The following NEK11 variants were observed in gnomAD, a reference collection of about 807,000 sequenced individuals.
NEK11 encodes serine/threonine-protein kinase Nek11.
In NEK11, 72 loss-of-function variants were observed where a neutral mutation model predicts 80.7. The ratio of observed to expected loss-of-function variants is 0.89; its 90% CI spans 0.74 to 1.08. The LOEUF (loss-of-function observed/expected upper bound fraction) is 1.08, where lower values mean the gene tolerates loss of function less well. Ranked by LOEUF, NEK11 falls within the 50% of genes least tolerant of loss-of-function variation. The pLI, the probability that NEK11 is intolerant of heterozygous loss-of-function variation, is 0.00. For missense variants in NEK11, 764 were observed against 763.6 expected, an observed-to-expected ratio of 1.00 and a Z score of -0.01; for synonymous variants, 251 against 260.7, an observed-to-expected ratio of 0.96 and a Z score of 0.36.
intron 17 of NEK11, among the ~76,000 whole-genome samples, chr3:131,304,069 G>T (rs2096695140): frequency 6.6e-6 from 1 of 151,958 alleles, no homozygotes; most frequent in Non-Finnish European, 1.5e-5. Context: ...CATAGATTTG[G>T]TCTCTTTACA....
At chr3:131,282,144 A>G (rs2096405090) in intron 17 of NEK11, among the ~76,000 whole-genome samples, 1 of 152,116 alleles carries the variant, frequency 6.6e-6, no homozygotes, top group Non-Finnish European at 1.5e-5. Flanking sequence ...TTTTGTTTAA[A>G]TTATCTTAAT....
At chr3:131,156,136 A>G (rs991928096) in intron 10 of NEK11, among the ~76,000 whole-genome samples, 5 of 152,162 alleles carry the variant, frequency 3.3e-5, no homozygotes, top group African/African-American at 1.2e-4. Context: ...TCTAGAATCC[A>G]GTTGTTTGGA....
At chr3:131,259,793 C>A (rs1344048172) in intron 16 of NEK11, among the ~76,000 whole-genome samples, 1 of 152,162 alleles carries the variant, frequency 6.6e-6, no homozygotes, top group East Asian at 1.9e-4. Flanking sequence ...TGAAGAATTT[C>A]CTGAAGGGGC....
chr3:131,153,891 G>A (rs2090160029), intron 9 of NEK11, among the ~76,000 whole-genome samples: 1 of 152,152 alleles, frequency 6.6e-6, no homozygotes, highest in Admixed American at 6.5e-5. Flanking sequence ...AAAAATAAGG[G>A]AGAAAGGAAG....
At chr3:131,216,645 A>T (rs1055920469) in intron 14 of NEK11, among the ~76,000 whole-genome samples, 8 of 151,590 alleles carry the variant, frequency 5.3e-5, no homozygotes, top group African/African-American at 1.9e-4. Flanking sequence ...GTAAGACATG[A>T]TGCCAATGGA....
chr3:131,158,062 A>C (rs1016652515), intron 10 of NEK11, among the ~76,000 whole-genome samples: 8 of 152,098 alleles, frequency 5.3e-5, no homozygotes, highest in Admixed American at 2.0e-4. Flanking sequence ...CTCTGCAGGC[A>C]GTCTTACCCA....
intron 12 of NEK11, among the ~76,000 whole-genome samples, chr3:131,166,593 C>T (rs151154295): frequency 6.6e-6 from 1 of 152,324 alleles, no homozygotes; most frequent in East Asian, 1.9e-4. Flanking sequence ...AGTTAGCAGA[C>T]AATGTGGGGA....
At chr3:131,075,162 A>G (rs2074132573) in intron 3 of NEK11, among the ~76,000 whole-genome samples, 1 of 152,182 alleles carries the variant, frequency 6.6e-6, no homozygotes, top group Admixed American at 6.6e-5. Context: ...CGGGGTACGT[A>G]GAATGGACAA....
intron 15 of NEK11, among the ~76,000 whole-genome samples, chr3:131,230,031 C>T (rs935111021): frequency 7.2e-5 from 11 of 152,082 alleles, no homozygotes; most frequent in African/African-American, 2.4e-4. Context: ...ACAACTGTAA[C>T]GGATATTATT....
chr3:131,298,641 AT>A (rs1386610424), intron 17 of NEK11, among the ~76,000 whole-genome samples: 3 of 150,746 alleles, frequency 2.0e-5, no homozygotes, highest in Admixed American at 2.0e-4. Flanking sequence ...TTCTTTCAGG[AT>A]TTTTTCTTTA....
At chr3:131,092,296 G>A (rs1182574693) in intron 4 of NEK11, among the ~76,000 whole-genome samples, 1 of 152,112 alleles carries the variant, frequency 6.6e-6, no homozygotes, top group African/African-American at 2.4e-5. Context: ...TACAACAGAT[G>A]GCTGTATATG....
At chr3:131,099,525 G>C (rs568210992) in intron 4 of NEK11, among the ~76,000 whole-genome samples, 1 of 152,046 alleles carries the variant, frequency 6.6e-6, no homozygotes, top group African/African-American at 2.4e-5. Context: ...TAGTTTGATA[G>C]GAATAGTGTT....
chr3:131,331,632 G>A (rs1030713642), intron 17 of NEK11, among the ~76,000 whole-genome samples: 30 of 152,220 alleles, frequency 2.0e-4, no homozygotes, highest in Admixed American at 7.2e-4. Flanking sequence ...GCAGCGCACC[G>A]TGCGTGAGCC....
At chr3:131,311,489 G>C (rs1340770801) in intron 17 of NEK11, among the ~76,000 whole-genome samples, 1 of 152,174 alleles carries the variant, frequency 6.6e-6, no homozygotes, top group Non-Finnish European at 1.5e-5. Flanking sequence ...AATTGCCTAA[G>C]TTTTCTGGGC....
intron 14 of NEK11, among the ~76,000 whole-genome samples, chr3:131,201,330 A>G (rs780890689): frequency 2.0e-5 from 3 of 151,920 alleles, no homozygotes; most frequent in Non-Finnish European, 4.4e-5. Flanking sequence ...GATGTGGAAT[A>G]TCGGAATGTC....
intron 17 of NEK11, among the ~76,000 whole-genome samples, chr3:131,319,193 C>A (rs999240388): frequency 1.3e-5 from 2 of 152,104 alleles, no homozygotes; most frequent in African/African-American, 4.8e-5. Flanking sequence ...TTTCCATACT[C>A]CACAAAGATT....
chr3:131,313,354 G>A (rs910698641), intron 17 of NEK11, among the ~76,000 whole-genome samples: 1 of 152,122 alleles, frequency 6.6e-6, no homozygotes, highest in Non-Finnish European at 1.5e-5. Flanking sequence ...GTATCACTGG[G>A]TCGAATGGTA....
At chr3:131,099,086 T>C (rs1036242815) in intron 4 of NEK11, among the ~76,000 whole-genome samples, 2 of 152,230 alleles carry the variant, frequency 1.3e-5, no homozygotes, top group Non-Finnish European at 2.9e-5. Context: ...AGGTTTCTTC[T>C]AGAATTTTTA....
chr3:131,139,353 G>GAAAAAAAAAAA (rs71622003), intron 7 of NEK11, among the ~76,000 whole-genome samples: 2 of 107,564 alleles, frequency 1.9e-5, no homozygotes, highest in Non-Finnish European at 3.5e-5. Context: ...AGAGAAAAAA[G>GAAAAAAAAAAA]AAAAAAAAAA....
Sources: gnomAD v4.1 joint callset for allele counts (sites outside exome capture counted in the v4.1 genomes callset) on GRCh38, gnomAD v4.1.1 for gene constraint, MANE v1.5 for transcripts, NCBI Gene and HGNC (gene_info 2026-07-23, HGNC 2026-07-21) for gene names.